Variants in BMPR1A observed in about 807,000 individuals in gnomAD.
BMPR1A encodes the protein bone morphogenetic protein receptor type 1A.
BMPR1A carries 7 observed loss-of-function variants against 66.0 expected under a neutral mutation model. The observed-to-expected ratio is 0.11, with a 90% confidence interval of 0.06 to 0.20. The LOEUF (loss-of-function observed/expected upper bound fraction) is 0.20. BMPR1A is among the 10% of genes least tolerant of loss of function. The pLI, the probability that BMPR1A is intolerant of heterozygous loss-of-function variation, is 1.00. For missense variants in BMPR1A, 408 were observed against 669.1 expected (o/e 0.61, Z 4.31); for synonymous variants, 200 against 229.7 (o/e 0.87, Z 1.17).
intron 1 of BMPR1A, among the ~76,000 whole-genome samples, chr10:86,764,570 C>T (rs1051514053): frequency 1.3e-5 from 2 of 152,150 alleles, no homozygotes; most frequent in Admixed American, 1.3e-4. Context: ...AAATATTTTT[C>T]CCTGTTTTCT....
At chr10:86,804,054 A>G (rs1468272906) in intron 1 of BMPR1A, among the ~76,000 whole-genome samples, 1 of 152,218 alleles carries the variant, frequency 6.6e-6, no homozygotes, top group Non-Finnish European at 1.5e-5. Flanking sequence ...TAATACATAC[A>G]CAGCTTACTA....
intron 2 of BMPR1A, among the ~76,000 whole-genome samples, chr10:86,870,131 A>C (rs1331877922): frequency 6.6e-6 from 1 of 151,560 alleles, no homozygotes; most frequent in African/African-American, 2.4e-5. Flanking sequence ...CCCTCTTTTC[A>C]CTCTCTTGGA....
At chr10:86,768,769 A>G (rs1841205610) in intron 1 of BMPR1A, among the ~76,000 whole-genome samples, 1 of 152,198 alleles carries the variant, frequency 6.6e-6, no homozygotes, top group Admixed American at 6.5e-5. Flanking sequence ...TCTGTGCCTT[A>G]TTACACTCTG....
At chr10:86,843,793 A>G (rs2133137615) in intron 2 of BMPR1A, among the ~76,000 whole-genome samples, 1 of 152,358 alleles carries the variant, frequency 6.6e-6, no homozygotes, top group Admixed American at 6.5e-5. Context: ...TCTTTTAGTG[A>G]AATTACTCTA....
At chr10:86,809,595 CT>C (rs71019431) in intron 1 of BMPR1A, among the ~76,000 whole-genome samples, 146 of 123,882 alleles carry the variant, frequency 1.2e-3, no homozygotes, top group South Asian at 1.9e-3. Context: ...CACCCGACCT[CT>C]TTTTTTTTTT....
chr10:86,777,306 C>T lies in BMPR1A; in HGVS notation c.-268+20387C>T, dbSNP rs370856501. On this transcript the variant is annotated intron_variant, in intron 1 of 12. Coordinates refer to ENST00000372037, the MANE Select transcript of BMPR1A (RefSeq NM_004329.3). ...TAGAAAAATGGATATCAACTGGGCA[C>T]GGTGGCTCATGCCTGTAATCCCAGC... Among the ~76,000 whole-genome samples, 9 of 152,108 alleles carry T rather than the reference C, an allele frequency of 5.9e-5. No homozygotes were observed. In the East Asian group the frequency reaches 1.3e-3, roughly 23 times the overall value.
chr10:86,899,184 T>A (rs1018153167), intron 5 of BMPR1A, among the ~76,000 whole-genome samples: 11 of 152,358 alleles, frequency 7.2e-5, no homozygotes, highest in African/African-American at 2.6e-4. Context: ...CAATAAAACA[T>A]CACATGCAAG....
At chr10:86,791,535 G>A (rs1018524514) in intron 1 of BMPR1A, among the ~76,000 whole-genome samples, 4 of 150,930 alleles carry the variant, frequency 2.7e-5, no homozygotes, top group East Asian at 3.9e-4. Context: ...TGAAACACAC[G>A]CACAGAAAAG....
intron 1 of BMPR1A, among the ~76,000 whole-genome samples, chr10:86,769,395 C>T (rs770922794): frequency 2.0e-5 from 3 of 152,216 alleles, no homozygotes; most frequent in Non-Finnish European, 4.4e-5. Context: ...AACTGCGCTT[C>T]AGCGTGGACA....
chr10:86,824,112 T>TGTGTGTGTGTGTGTGTGTGTGTGTG (rs1564695887), intron 1 of BMPR1A, among the ~76,000 whole-genome samples: 1 of 151,736 alleles, frequency 6.6e-6, no homozygotes, highest in African/African-American at 2.4e-5. Flanking sequence ...TGTGTGTGTG[T>TGTGTGTGTGTGTGTGTGTGTGTGTG]TTCTTTCAGT....
chr10:86,883,606 A>G (rs561596188), intron 3 of BMPR1A, among the ~76,000 whole-genome samples: 2 of 145,962 alleles, frequency 1.4e-5, no homozygotes, highest in African/African-American at 5.1e-5. Context: ...CACCGTCTCT[A>G]CTAAAAATAC....
At chr10:86,771,755 A>AGATT (rs143979852) in intron 1 of BMPR1A, among the ~76,000 whole-genome samples, 3,874 of 152,106 alleles carry the variant, frequency 0.025, 110 homozygotes, top group African/African-American at 0.072. Context: ...TTAATCTTTG[A>AGATT]GATTGATTGA....
upstream of BMPR1A, chr10:86,756,077 A>G (rs2132548237): frequency 6.6e-6 from 1 of 152,218 alleles, no homozygotes; most frequent in African/African-American, 2.4e-5. Flanking sequence ...ACCTTATTTC[A>G]CGCCAGCTGA....
At chr10:86,910,985 T>C (rs1483984038) in intron 7 of BMPR1A, among the ~76,000 whole-genome samples, 1 of 151,798 alleles carries the variant, frequency 6.6e-6, no homozygotes, top group Non-Finnish European at 1.5e-5. Context: ...TGAAACCTCA[T>C]CTCTATGAAA....
rs747640982 is a variant in BMPR1A at position 86,923,690 on chromosome 10, A to G, written c.1570A>G (p.Met524Val). The G allele has an allele frequency of 2.5e-6, 4 of 1,613,964 alleles. No homozygotes were observed. Among genetic ancestry groups the G allele is most frequent in the South Asian group, 2.2e-5 (2 of 91,078 alleles). Residue 524 changes from methionine to valine, a missense_variant, in exon 13 of 13, where the codon ATG becomes GTG. By Grantham distance (21) the Met-to-Val change is conservative (BLOSUM62 1). Around this residue, in one of 5 missense-constraint regions of BMPR1A, gnomAD observed 130 missense variants for 257.3 expected, o/e 0.51. Transcript: ENST00000372037. The stretch of plus-strand genomic sequence containing the variant: ...GAGAATTAAGAAGACGCTTGCCAAG[A>G]TGGTTGAATCCCAAGATGTAAAAAT... ...ALRIKKTLAK[M>V]VESQDVKI
At chr10:86,772,126 G>GTTTTT (rs777280640) in intron 1 of BMPR1A, among the ~76,000 whole-genome samples, 33 of 88,878 alleles carry the variant, frequency 3.7e-4, no homozygotes, top group African/African-American at 5.3e-4. Context: ...TCAGAGATAG[G>GTTTTT]TTTTTTTTTT....
intron 7 of BMPR1A, among the ~76,000 whole-genome samples, chr10:86,906,753 A>C (rs908051005): frequency 2.9e-5 from 1 of 35,080 alleles, no homozygotes; most frequent in Admixed American, 2.2e-4. Flanking sequence ...AAAAAAAAAA[A>C]AAAAAAAAAC....
chr10:86,880,894 A>T (rs1446599569), intron 3 of BMPR1A, among the ~76,000 whole-genome samples: 1 of 135,636 alleles, frequency 7.4e-6, no homozygotes, highest in African/African-American at 3.4e-5. Flanking sequence ...TGTTTGTAAT[A>T]ACACTTAAGA....
chr10:86,842,721 C>CA (rs1166648062), intron 2 of BMPR1A, among the ~76,000 whole-genome samples: 1 of 152,136 alleles, frequency 6.6e-6, no homozygotes, highest in African/African-American at 2.4e-5. Flanking sequence ...TTAATGGACT[C>CA]ATAGTTCCAT....
Sources: gnomAD v4.1 joint callset for allele counts (sites outside exome capture counted in the v4.1 genomes callset) on GRCh38, gnomAD v4.1.1 for gene constraint, gnomAD v4.1.1 regional missense constraint, MANE v1.5 for transcripts, NCBI Gene and HGNC (gene_info 2026-07-23, HGNC 2026-07-21) for gene names.